Variants in MPPED1 observed in about 807,000 individuals in gnomAD.
The protein encoded by MPPED1 is metallophosphoesterase domain containing 1, also known as metallophosphoesterase domain-containing protein 1.
A neutral mutation model predicts 36.2 loss-of-function variants in MPPED1; 16 were observed. The observed-to-expected ratio is 0.44, with a 90% CI of 0.30 to 0.67. The LOEUF (loss-of-function observed/expected upper bound fraction) is 0.67. Ranked by LOEUF, MPPED1 falls within the 30% of genes least tolerant of loss-of-function variation. The pLI, the probability that MPPED1 is intolerant of heterozygous loss-of-function variation, is 0.10. For synonymous variants in MPPED1, 199 were observed against 191.3 expected, an observed-to-expected ratio of 1.04 and a Z score of -0.33; for missense variants, 307 against 453.4, an observed-to-expected ratio of 0.68 and a Z score of 2.93.
chr22:43,496,261 GGTA>G (rs1396499795), intron 4 of MPPED1, among the ~76,000 whole-genome samples: 298 of 68,812 alleles, frequency 4.3e-3, no homozygotes, highest in Non-Finnish European at 5.5e-3. Flanking sequence ...TGGTGGTGGA[GGTA>G]GTGGTGGTGG....
At chr22:43,447,881 A>T (rs1299715258) in intron 3 of MPPED1, among the ~76,000 whole-genome samples, 12 of 34,564 alleles carry the variant, frequency 3.5e-4, no homozygotes, top group African/African-American at 9.9e-4. Context: ...ATATATATAT[A>T]TATTTTTTTT....
intron 3 of MPPED1, among the ~76,000 whole-genome samples, chr22:43,464,923 A>G (rs977450267): frequency 9.9e-5 from 15 of 152,180 alleles, no homozygotes; most frequent in Non-Finnish European, 4.4e-5. Context: ...GGGGACAAAC[A>G]TGGGCCTTCA....
chr22:43,435,000 G>A (rs762164222), intron 2 of MPPED1, 34 bp from the exon 3 acceptor site: 20 of 1,602,874 alleles, frequency 1.2e-5, no homozygotes, highest in Middle Eastern at 1.7e-4. Context: ...CGGCTCCATG[G>A]CCTCCTGATC....
At chr22:43,456,432 A>T (rs1930756687) in intron 3 of MPPED1, among the ~76,000 whole-genome samples, 1 of 152,046 alleles carries the variant, frequency 6.6e-6, no homozygotes, top group Admixed American at 6.6e-5. Flanking sequence ...CAGCTCGCTG[A>T]GGGACCTTTA....
At chr22:43,417,974 T>C (rs1929133861) in intron 1 of MPPED1, 1 of 446,418 alleles carries the variant, frequency 2.2e-6, no homozygotes, top group Admixed American at 2.4e-5. Context: ...GATGTTTCTC[T>C]GGAAGCTTCT....
At position 43,443,173 on chromosome 22, in the gene MPPED1, G is replaced by A. The variant is rs574034390; in HGVS notation, c.406+7958G>A. On this transcript the variant is annotated intron_variant, in intron 3 of 6. Transcript: ENST00000443721. ...GGCTGGGGAAGGCCCCCCTGGGAGG[G>A]TCATGCACGGAGAAGGACCCAGCTC... Among the ~76,000 whole-genome samples, 7 of 152,310 alleles carry A rather than the reference G, an allele frequency of 4.6e-5. No individual in the cohort carries two copies. The East Asian group carries it at 1.2e-3, about 25-fold the overall frequency.
chr22:43,465,025 C>T (rs930583394), intron 3 of MPPED1, among the ~76,000 whole-genome samples: 2 of 152,210 alleles, frequency 1.3e-5, no homozygotes, highest in African/African-American at 4.8e-5. Flanking sequence ...CACATACACA[C>T]CTGCCTGGAG....
intron 2 of MPPED1, among the ~76,000 whole-genome samples, chr22:43,434,635 A>G (rs1198065719): frequency 2.6e-5 from 4 of 152,236 alleles, no homozygotes; most frequent in Non-Finnish European, 5.9e-5. Context: ...GGAAGTGAGT[A>G]GGGGAAAATA....
At chr22:43,414,579 A>G (rs752961068) in intron 1 of MPPED1, among the ~76,000 whole-genome samples, 7 of 152,202 alleles carry the variant, frequency 4.6e-5, no homozygotes, top group Non-Finnish European at 8.8e-5. Flanking sequence ...TAACAAGTAA[A>G]TATTATGCAC....
chr22:43,460,184 C>T (rs1028159681), intron 3 of MPPED1, among the ~76,000 whole-genome samples: 18 of 149,420 alleles, frequency 1.2e-4, no homozygotes, highest in African/African-American at 7.4e-5. Context: ...TCCAGCCTGG[C>T]GACAGAGTGA....
chr22:43,503,930 T>C (rs1932770283), intron 6 of MPPED1, among the ~76,000 whole-genome samples: 1 of 152,140 alleles, frequency 6.6e-6, no homozygotes, highest in Non-Finnish European at 1.5e-5. Context: ...AGGGGAAATG[T>C]TCCTTCTATC....
intron 4 of MPPED1, among the ~76,000 whole-genome samples, chr22:43,480,843 A>G (rs1446227917): frequency 1.7e-5 from 2 of 121,180 alleles, no homozygotes; most frequent in African/African-American, 3.5e-5. Flanking sequence ...TTTTTTTTTG[A>G]GATGGAGTCT....
At chr22:43,445,558 C>CAT (rs1555899678) in intron 3 of MPPED1, among the ~76,000 whole-genome samples, 1 of 123,912 alleles carries the variant, frequency 8.1e-6, no homozygotes. Context: ...CTGATGTTTC[C>CAT]TTTTTTTTTT....
intron 4 of MPPED1, among the ~76,000 whole-genome samples, chr22:43,484,932 C>T (rs183605736): frequency 1.2e-4 from 19 of 152,208 alleles, no homozygotes; most frequent in East Asian, 1.9e-4. Flanking sequence ...CTGAGCCCAA[C>T]GTGCAGCATC....
At chr22:43,477,427 C>T (rs533396040) in intron 4 of MPPED1, among the ~76,000 whole-genome samples, 1 of 152,332 alleles carries the variant, frequency 6.6e-6, no homozygotes, top group Admixed American at 6.5e-5. Context: ...GCGTCTGCTG[C>T]TGTGGTGCCA....
intron 3 of MPPED1, among the ~76,000 whole-genome samples, chr22:43,464,832 C>G (rs1294669370): frequency 6.6e-6 from 1 of 152,212 alleles, no homozygotes; most frequent in African/African-American, 2.4e-5. Context: ...CCATCTCTTT[C>G]CAGCTTCCAA....
chr22:43,452,012 T>G (rs1189126211), intron 3 of MPPED1, among the ~76,000 whole-genome samples: 1 of 151,012 alleles, frequency 6.6e-6, no homozygotes. Context: ...ATATTTTTCT[T>G]TTTTTCTTTC....
intron 3 of MPPED1, among the ~76,000 whole-genome samples, chr22:43,442,998 C>G (rs1166034095): frequency 6.6e-6 from 1 of 152,122 alleles, no homozygotes; most frequent in Non-Finnish European, 1.5e-5. Flanking sequence ...GCTGGAGATT[C>G]AGTGATGGAT....
In MPPED1 at chr22:43,498,326, C is replaced by G. The variant is rs1932498224; in HGVS notation, c.724C>G (p.Leu242Val). 6.5e-7 allele frequency: 1 copy of G among 1,535,152 alleles called. No homozygotes were observed. The highest frequency in any genetic ancestry group is 8.7e-7 in the Non-Finnish European group (1 of 1,146,466). ...CCTCATTCCCGAAGGCGTAGACATC[C>G]TGATAACCCATGGACCACCACTGGG... ...WNLIPEGVDI[L>V]ITHGPPLGFL... Residue 242 changes from leucine to valine, a missense_variant, in exon 5 of 7, where the codon CTG becomes GTG. By Grantham distance (32) the Leu-to-Val change is conservative (BLOSUM62 1). This residue lies in a region of MPPED1 where 132 missense variants were observed against 212.3 expected (regional missense o/e 0.62). Coordinates refer to ENST00000443721, the MANE Select transcript of MPPED1 (RefSeq NM_001044370.2).
Sources: allele counts gnomAD v4.1 joint callset (sites outside exome capture counted in the v4.1 genomes callset), GRCh38; gene constraint gnomAD v4.1.1; regional missense constraint gnomAD v4.1.1; transcripts MANE v1.5; gene names NCBI Gene and HGNC (gene_info 2026-07-23, HGNC 2026-07-21).